LEF1: variants seen among roughly 807,000 people sequenced by gnomAD.
The protein encoded by LEF1 is lymphoid enhancer binding factor 1.
LEF1 carries 14 observed loss-of-function variants against 51.2 expected under a neutral mutation model. That is an observed-to-expected ratio of 0.27 (90% CI 0.18 to 0.43). The LOEUF is 0.43. LEF1 is among the 20% of genes least tolerant of loss of function. The pLI is 1.00. For missense variants in LEF1, 386 were observed against 512.0 expected (o/e 0.75, Z 2.37); for synonymous variants, 185 against 183.2 (o/e 1.01, Z -0.08).
At chr4:108,082,107 A>G (rs78821822) in intron 5 of LEF1, among the ~76,000 whole-genome samples, 2,614 of 152,316 alleles carry the variant, frequency 0.017, 71 homozygotes, top group African/African-American at 0.059. Context: ...CTGTATATTC[A>G]TATAAAAATA....
intron 1 of LEF1, 127 bp from the exon 2 acceptor site, chr4:108,165,290 C>G (rs1745316483): frequency 6.2e-6 from 5 of 801,716 alleles, no homozygotes. Flanking sequence ...GTTTTATACT[C>G]TGAGAGACAT....
chr4:108,149,255 C>T (rs962062940), intron 3 of LEF1, among the ~76,000 whole-genome samples: 2 of 150,658 alleles, frequency 1.3e-5, no homozygotes, highest in Non-Finnish European at 3.0e-5. Flanking sequence ...GTCAGGAGAT[C>T]GAGACCATCC....
At chr4:108,146,647 T>C (rs1744012446) in intron 3 of LEF1, among the ~76,000 whole-genome samples, 1 of 152,252 alleles carries the variant, frequency 6.6e-6, no homozygotes, top group African/African-American at 2.4e-5. Flanking sequence ...CATTTCAGAT[T>C]TGGAGTATCT....
intron 3 of LEF1, among the ~76,000 whole-genome samples, chr4:108,144,214 A>G (rs1361605449): frequency 6.6e-6 from 1 of 152,180 alleles, no homozygotes. Flanking sequence ...TCCTTTGATA[A>G]ACCATTCCAA....
intron 3 of LEF1, among the ~76,000 whole-genome samples, chr4:108,115,850 C>T (rs899043466): frequency 1.4e-5 from 2 of 143,114 alleles, no homozygotes; most frequent in Non-Finnish European, 3.1e-5. Flanking sequence ...AACACATACA[C>T]ACACACACAC....
intron 8 of LEF1, among the ~76,000 whole-genome samples, chr4:108,076,553 T>A (rs1738873829): frequency 6.6e-6 from 1 of 152,104 alleles, no homozygotes; most frequent in Non-Finnish European, 1.5e-5. Context: ...AATTTTTGTA[T>A]TTTTGGTAGA....
At chr4:108,157,990 A>G (rs1031857376) in intron 3 of LEF1, among the ~76,000 whole-genome samples, 1 of 152,180 alleles carries the variant, frequency 6.6e-6, no homozygotes, top group Admixed American at 6.5e-5. Context: ...CTCCCTGTCC[A>G]GTCCTCTGCT....
In LEF1 at chr4:108,105,679, G is replaced by A. The variant is rs1003046447; in HGVS notation, c.415-16422C>T. On this transcript the variant is annotated intron_variant, in intron 3 of 11. Transcript: ENST00000265165. ...ATGAAAATTTTAAGTCTTCTATCTC[G>A]TTTCTCTATAGACCTGGTGAAATTC... 3.3e-5 allele frequency among the ~76,000 whole-genome samples: 5 copies of A among 152,052 alleles called. No homozygotes were observed. In the East Asian group the frequency reaches 7.7e-4, roughly 23 times the overall value.
chr4:108,148,511 T>C (rs1744132716), intron 3 of LEF1, among the ~76,000 whole-genome samples: 1 of 152,118 alleles, frequency 6.6e-6, no homozygotes, highest in Non-Finnish European at 1.5e-5. Context: ...TATCCCTGGG[T>C]TGTAGTAGTG....
At chr4:108,110,105 A>AG (rs1741428414) in intron 3 of LEF1, among the ~76,000 whole-genome samples, 2 of 152,196 alleles carry the variant, frequency 1.3e-5, no homozygotes, top group Non-Finnish European at 2.9e-5. Context: ...CTCCAGTAGG[A>AG]GGGGAGATGC....
At chr4:108,058,911 G>A (rs556333233) in intron 11 of LEF1, among the ~76,000 whole-genome samples, 2 of 152,318 alleles carry the variant, frequency 1.3e-5, no homozygotes, top group South Asian at 2.1e-4. Context: ...AAAGGACAGT[G>A]TGTGCAGTCT....
intron 4 of LEF1, among the ~76,000 whole-genome samples, chr4:108,085,895 C>T (rs965862666): frequency 7.2e-5 from 11 of 152,304 alleles, no homozygotes; most frequent in African/African-American, 2.6e-4. Flanking sequence ...AGCTTATATA[C>T]TGCTTGGAGA....
chr4:108,157,179 T>TATATATATACAC (rs780217431), intron 3 of LEF1, among the ~76,000 whole-genome samples: 2 of 116,740 alleles, frequency 1.7e-5, no homozygotes, highest in Non-Finnish European at 3.4e-5. Flanking sequence ...TATATATATA[T>TATATATATACAC]ACACACACAC....
chr4:108,128,594 G>T (rs939703809), intron 3 of LEF1, among the ~76,000 whole-genome samples: 1 of 151,646 alleles, frequency 6.6e-6, no homozygotes, highest in Non-Finnish European at 1.5e-5. Context: ...CTTATTTTAA[G>T]GCTGATTCTA....
At chr4:108,054,549 C>T (rs977900523) in intron 11 of LEF1, among the ~76,000 whole-genome samples, 1 of 152,212 alleles carries the variant, frequency 6.6e-6, no homozygotes, top group African/African-American at 2.4e-5. Context: ...TCTGTTAAAG[C>T]CTCTGGAATG....
At chr4:108,111,117 A>C (rs1035902735) in intron 3 of LEF1, among the ~76,000 whole-genome samples, 2 of 152,232 alleles carry the variant, frequency 1.3e-5, no homozygotes, top group Non-Finnish European at 2.9e-5. Flanking sequence ...AAATGAAAGA[A>C]CACATAATGA....
At chr4:108,118,611 T>C (rs1373881237) in intron 3 of LEF1, among the ~76,000 whole-genome samples, 2 of 152,210 alleles carry the variant, frequency 1.3e-5, no homozygotes, top group Non-Finnish European at 2.9e-5. Flanking sequence ...AATGCTTCTC[T>C]TAGATGATTG....
intron 8 of LEF1, chr4:108,071,003 C>G: frequency 2.7e-6 from 1 of 374,642 alleles, no homozygotes; most frequent in Non-Finnish European, 4.8e-6. Flanking sequence ...TGAAACACAT[C>G]AAAGTCAATC....
intron 8 of LEF1, 57 bp from the exon 9 acceptor site, chr4:108,070,827 T>G: frequency 9.0e-7 from 1 of 1,109,598 alleles, no homozygotes; most frequent in Non-Finnish European, 1.3e-6. Flanking sequence ...CAATAGCATA[T>G]TTTATGTTTC....
Sources: gnomAD v4.1 joint callset for allele counts (sites outside exome capture counted in the v4.1 genomes callset) on GRCh38, gnomAD v4.1.1 for gene constraint, MANE v1.5 for transcripts, NCBI Gene and HGNC (gene_info 2026-07-23, HGNC 2026-07-21) for gene names.